Variants in MCM3AP observed in about 807,000 individuals in gnomAD.
MCM3AP encodes the protein germinal-center associated nuclear protein.
MCM3AP carries 126 observed loss-of-function variants against 184.1 expected under a neutral mutation model. That is an observed-to-expected ratio of 0.68 (90% CI 0.59 to 0.79). The LOEUF is 0.79. MCM3AP is among the 30% of genes least tolerant of loss of function. The pLI is 0.00. For missense variants in MCM3AP, 2,496 were observed against 2,479.2 expected, an observed-to-expected ratio of 1.01 and a Z score of -0.14; for synonymous variants, 1,002 against 979.3, an observed-to-expected ratio of 1.02 and a Z score of -0.43.
intron 10 of MCM3AP, chr21:46,266,514 A>T (rs928815607): frequency 1.7e-5 from 4 of 241,218 alleles, no homozygotes; most frequent in African/African-American, 9.0e-5. Flanking sequence ...GAGGAGTTAG[A>T]GGAGACAGGG....
Position 46,240,928 on chromosome 21 carries a change from C to T in MCM3AP, c.5516G>A (p.Cys1839Tyr), listed in dbSNP as rs748124224. 2 of 1,614,064 alleles carry T rather than the reference C, an allele frequency of 1.2e-6. No homozygotes were observed. The highest frequency in any genetic ancestry group is 1.7e-6 in the Non-Finnish European group (2 of 1,180,006). ...GCTGGGAATCCTCCCCTCTTGAGCACACTCTGTGCTCCTCTTCCAGTTACG... is the reference window on the plus strand; with the variant it reads ...GCTGGGAATCCTCCCCTCTTGAGCATACTCTGTGCTCCTCTTCCAGTTACG... ...MHRNWKRSTECAQEGRIPSTE... is the reference protein window; with the variant it reads ...MHRNWKRSTEYAQEGRIPSTE... Residue 1839 changes from cysteine to tyrosine, a missense_variant, in exon 26 of 28, where the codon TGT becomes TAT. Physicochemically the swap from Cys to Tyr is radical, Grantham distance 194. Coordinates refer to ENST00000291688, the MANE Select transcript of MCM3AP (RefSeq NM_003906.5).
intron 9 of MCM3AP, chr21:46,267,586 TAA>T (rs113683191): frequency 6.2e-5 from 9 of 144,014 alleles, no homozygotes; most frequent in Non-Finnish European, 9.1e-5. Flanking sequence ...ACAAGAGCCT[TAA>T]AAAAAAAAAA....
chr21:46,259,165 G>C (rs2081002880), intron 15 of MCM3AP, 74 bp from the exon 16 acceptor site: 4 of 1,488,254 alleles, frequency 2.7e-6, no homozygotes, highest in East Asian at 2.3e-5. Flanking sequence ...CTTGAAAAGT[G>C]CAAGAGTCAG....
At chr21:46,262,700 G>A (rs1229584337) in intron 13 of MCM3AP, among the ~76,000 whole-genome samples, 2 of 151,972 alleles carry the variant, frequency 1.3e-5, no homozygotes, top group Non-Finnish European at 2.9e-5. Context: ...GGGCGCGGTG[G>A]CTCACGCCTG....
intron 18 of MCM3AP, 52 bp downstream of exon 18, chr21:46,254,724 T>C (rs148719313): frequency 7.1e-5 from 109 of 1,544,096 alleles, no homozygotes; most frequent in South Asian, 3.2e-4. Flanking sequence ...GTGTGACAGA[T>C]TGGGGAACGG....
intron 4 of MCM3AP, among the ~76,000 whole-genome samples, chr21:46,278,814 C>T (rs1030386305): frequency 6.6e-5 from 10 of 151,886 alleles, no homozygotes; most frequent in Admixed American, 6.6e-4. Flanking sequence ...GCTGGGACTA[C>T]AGGCACCTGC....
At chr21:46,258,904 T>C in intron 16 of MCM3AP, 35 bp downstream of exon 16, 6 of 1,612,112 alleles carry the variant, frequency 3.7e-6, no homozygotes, top group Non-Finnish European at 5.1e-6. Context: ...CTTCCCCGTG[T>C]GTGTGGATTT....
chr21:46,254,494 G>T lies in MCM3AP; in HGVS notation c.4034C>A (p.Ser1345Tyr). Residue 1345 changes from serine to tyrosine, a missense_variant, in exon 19 of 28, where the codon TCC (serine) becomes TAC (tyrosine). Physicochemically the swap from Ser to Tyr is moderately radical, Grantham distance 144. Transcript: ENST00000291688. Reference sequence around the variant, plus strand: ...CCCAGGGAGGTGCTCAGCCACGAGGGATGGCAGGTCCAGAGACGCCCATGC... The same window carrying T: ...CCCAGGGAGGTGCTCAGCCACGAGGTATGGCAGGTCCAGAGACGCCCATGC... ...DVAWASLDLPSLVAEHLPGRQ... is the reference protein window; with the variant it reads ...DVAWASLDLPYLVAEHLPGRQ... The T allele has an allele frequency of 6.2e-7, 1 of 1,614,136 alleles. No individual in the cohort carries two copies. Among genetic ancestry groups the T allele is most frequent in the Non-Finnish European group, 8.5e-7 (1 of 1,180,042 alleles).
chr21:46,273,421 G>A lies in MCM3AP; in HGVS notation c.2163C>T (p.Asp721=). The change falls in exon 7 of 28, where the codon GAC becomes GAT. Residue 721 remains aspartate, a synonymous_variant. Transcript: ENST00000291688. ...TGCCACGCGTGCGGTTCCACACGAA[G>A]TCATACCAATCCCGCAGGCTGCCCT... is the stretch of plus-strand genomic sequence containing the variant. ...QKEGSLRDWY[D]FVWNRTRGIR... 1 of 1,614,046 alleles carries A rather than the reference G, an allele frequency of 6.2e-7. No individual in the cohort carries two copies. The highest frequency in any genetic ancestry group is 8.5e-7 in the Non-Finnish European group (1 of 1,179,880).
intron 10 of MCM3AP, chr21:46,266,780 G>GGTCT: frequency 5.1e-6 from 3 of 585,634 alleles, no homozygotes; most frequent in Non-Finnish European, 9.0e-6. Context: ...CAAAGAACTT[G>GGTCT]GTCTGAGCCC....
At position 46,265,308 on chromosome 21, in the gene MCM3AP, A is replaced by G. The variant is rs2081095347; in HGVS notation, c.3234+13T>C. 1 of 1,613,080 alleles carries G rather than the reference A, an allele frequency of 6.2e-7. No individual in the cohort carries two copies. Among genetic ancestry groups the G allele is most frequent in the South Asian group, 1.1e-5 (1 of 91,066 alleles). ...CTTCCCAGAGTCCAGACCTAGAAAA[A>G]AAGAGTCCCTACCTCGTCAGAGTAC... On this transcript the variant is annotated intron_variant, in intron 12 of 27. Coordinates refer to ENST00000291688, the MANE Select transcript of MCM3AP (RefSeq NM_003906.5).
chr21:46,278,879 C>T (rs933196114), intron 4 of MCM3AP, among the ~76,000 whole-genome samples: 17 of 150,158 alleles, frequency 1.1e-4, no homozygotes, highest in Admixed American at 4.7e-4. Context: ...TTCACCATAT[C>T]AGCCAGGATG....
rs17183158 is a variant in MCM3AP, at chr21:46,251,164, G to A, written c.4290+365C>T. ...AGGAAAAGGGAAGAATTTGCACCAA[G>A]AAGTTACTGTTACCTCAGAATGGCA... is the stretch of plus-strand genomic sequence containing the variant. On this transcript the variant is annotated intron_variant, in intron 20 of 27. Coordinates refer to ENST00000291688, the MANE Select transcript of MCM3AP (RefSeq NM_003906.5). 8.7e-3 allele frequency: 1,407 copies of A among 161,162 alleles called. 28 individuals carry two copies. Among genetic ancestry groups the A allele is most frequent in the African/African-American group, 0.032 (1,352 of 41,950 alleles). 10.0% of individuals were successfully genotyped at this position (161,162 alleles called of 1,614,324 possible). A position where few individuals can be genotyped will look rare whatever the true frequency, so the allele number is the denominator to read the frequency against.
At position 46,264,085 on chromosome 21, in the gene MCM3AP, G is replaced by A. The variant is rs370062628; in HGVS notation, c.3335+32C>T. The A allele has an allele frequency of 1.8e-4, 265 of 1,491,742 alleles. 1 individual carries two copies. The highest frequency in any genetic ancestry group is 3.5e-4 in the Middle Eastern group (2 of 5,786). 92.4% of individuals were successfully genotyped at this position (1,491,742 alleles called of 1,614,324 possible). ...GACTGGGTGCAGCTCCCCGCAGCACGTAGCAGGAGGGGAGCACGAGATGCC... is the reference window on the plus strand; with the variant it reads ...GACTGGGTGCAGCTCCCCGCAGCACATAGCAGGAGGGGAGCACGAGATGCC... On this transcript the variant is annotated intron_variant, in intron 13 of 27. Transcript: ENST00000291688.
chr21:46,236,863 G>T lies in MCM3AP; in HGVS notation c.5750C>A (p.Pro1917His). 6.4e-7 allele frequency: 1 copy of T among 1,561,770 alleles called. No homozygotes were observed. Among genetic ancestry groups the T allele is most frequent in the Non-Finnish European group, 8.6e-7 (1 of 1,160,982 alleles). The change falls in exon 27 of 28, where the codon CCT becomes CAT. Residue 1917 changes from proline to histidine, a missense_variant. Coordinates refer to ENST00000291688, the MANE Select transcript of MCM3AP (RefSeq NM_003906.5). ...TLVSLSHTIE[P>H]VMKTSVTTSP... is the part of the protein sequence containing the mutation. ...AGTAGTTACAGATGTTTTCATCACA[G>T]GTTCAATAGTGTGAGAAAGAGACAC...
rs1382282685 is a variant in MCM3AP at position 46,245,209 on chromosome 21, G to T, written c.4648-12C>A. ...ACTGCTTGCAAAACCTGAGAAGAAA[G>T]AAGAGACTTGGTTGAACAATTCACA... On this transcript the variant is annotated splice_polypyrimidine_tract_variant and intron_variant, in intron 22 of 27. Transcript: ENST00000291688. 7.1e-7 allele frequency: 1 copy of T among 1,417,308 alleles called. No homozygotes were observed. Among genetic ancestry groups the T allele is most frequent in the Non-Finnish European group, 9.7e-7 (1 of 1,035,838 alleles). The allele number at this position is 1,417,308 out of a possible 1,614,324, so 87.8% of individuals were successfully genotyped here.
chr21:46,257,048 T>C (rs2080964393), intron 16 of MCM3AP, 62 bp from the exon 17 acceptor site: 6 of 1,544,568 alleles, frequency 3.9e-6, no homozygotes, highest in Admixed American at 1.9e-5. Flanking sequence ...GAGAAACACA[T>C]TGCAGTCAGA....
chr21:46,245,022 A>C lies in MCM3AP; in HGVS notation c.4823T>G (p.Ile1608Ser). Reference sequence around the variant, plus strand: ...CAGCACACTGTTAAACAGCTCAATGATGGCGCCAGGCTCCTGAGAAGCAAG... The same window carrying C: ...CAGCACACTGTTAAACAGCTCAATGCTGGCGCCAGGCTCCTGAGAAGCAAG... Reference protein sequence around the residue: ...GGLASQEPGAIIELFNSVLQF... With the variant: ...GGLASQEPGASIELFNSVLQF... Residue 1608 changes from isoleucine to serine, a missense_variant, in exon 23 of 28, where the codon ATC (isoleucine) becomes AGC (serine). Physicochemically the swap from Ile to Ser is moderately radical, Grantham distance 142 (BLOSUM62 -2). Transcript: ENST00000291688. The C allele has an allele frequency of 6.2e-7, 1 of 1,614,170 alleles. No individual in the cohort carries two copies. Among genetic ancestry groups the C allele is most frequent in the Non-Finnish European group, 8.5e-7 (1 of 1,180,016 alleles).
At chr21:46,252,078 G>C (rs2080881366) in intron 19 of MCM3AP, 1 of 156,098 alleles carries the variant, frequency 6.4e-6, no homozygotes, top group African/African-American at 2.4e-5. Context: ...TGTTGCTCAT[G>C]CTGGCCTCAA....
Sources: allele counts gnomAD v4.1 joint callset (sites outside exome capture counted in the v4.1 genomes callset), GRCh38; gene constraint gnomAD v4.1.1; transcripts MANE v1.5; gene names NCBI Gene and HGNC (gene_info 2026-07-23, HGNC 2026-07-21).